KCNH5: variants seen among roughly 807,000 people sequenced by gnomAD.
KCNH5 encodes the protein voltage-gated delayed rectifier potassium channel KCNH5.
KCNH5 carries 46 observed loss-of-function variants against 96.1 expected under a neutral mutation model. The ratio of observed to expected loss-of-function variants is 0.48; its 90% CI spans 0.38 to 0.61. The LOEUF is 0.61. KCNH5 is among the 20% of genes least tolerant of loss of function. The pLI is 0.00. For missense variants in KCNH5, 907 were observed against 1,225.8 expected (o/e 0.74, Z 3.88); for synonymous variants, 439 against 449.8 (o/e 0.98, Z 0.30).
intron 8 of KCNH5, among the ~76,000 whole-genome samples, chr14:62,817,128 T>C (rs1164094782): frequency 7.3e-6 from 1 of 137,532 alleles, no homozygotes; most frequent in Non-Finnish European, 1.5e-5. Flanking sequence ...ATATTTATTA[T>C]AATATATAAT....
chr14:62,787,026 G>A (rs958625913), intron 9 of KCNH5, among the ~76,000 whole-genome samples: 2 of 152,070 alleles, frequency 1.3e-5, no homozygotes, highest in African/African-American at 4.8e-5. Context: ...TCAAGCAAAA[G>A]GAAGAGTCAC....
intron 1 of KCNH5, among the ~76,000 whole-genome samples, chr14:63,040,557 T>A (rs1340027716): frequency 6.6e-6 from 1 of 152,192 alleles, no homozygotes; most frequent in African/African-American, 2.4e-5. Flanking sequence ...ATTTCCTGAA[T>A]AGTGTCTTAG....
chr14:62,885,122 T>C (rs575203316), intron 7 of KCNH5, among the ~76,000 whole-genome samples: 71 of 152,208 alleles, frequency 4.7e-4, no homozygotes, highest in Non-Finnish European at 8.5e-4. Context: ...CTATGCTTGA[T>C]CTTAATGCTC....
intron 10 of KCNH5, among the ~76,000 whole-genome samples, chr14:62,714,208 G>C (rs1442720710): frequency 6.6e-6 from 1 of 152,074 alleles, no homozygotes; most frequent in Admixed American, 6.5e-5. Context: ...AGGATCACCT[G>C]AGCTCAGGAA....
chr14:62,825,214 C>T (rs756494037), intron 8 of KCNH5, among the ~76,000 whole-genome samples: 13 of 152,068 alleles, frequency 8.5e-5, no homozygotes, highest in African/African-American at 1.2e-4. Flanking sequence ...AACTAATTTA[C>T]GTTCCCACCA....
chr14:62,940,064 T>C (rs1889759591), intron 7 of KCNH5, among the ~76,000 whole-genome samples: 1 of 152,204 alleles, frequency 6.6e-6, no homozygotes, highest in African/African-American at 2.4e-5. Context: ...ATATAAATTC[T>C]TATAAATTAT....
intron 1 of KCNH5, among the ~76,000 whole-genome samples, chr14:63,034,794 T>C (rs1044732081): frequency 2.0e-5 from 3 of 152,208 alleles, no homozygotes; most frequent in Non-Finnish European, 4.4e-5. Context: ...CTTTAACATA[T>C]ATTTCTGAAA....
At chr14:62,842,390 A>G (rs1440511012) in intron 8 of KCNH5, among the ~76,000 whole-genome samples, 1 of 150,920 alleles carries the variant, frequency 6.6e-6, no homozygotes, top group African/African-American at 2.5e-5. Context: ...CAGTCAGAAA[A>G]GAAAAATGTC....
At position 63,016,920 on chromosome 14, in the gene KCNH5, C is replaced by T. The variant is rs868730422; in HGVS notation, c.108G>A (p.Val36=). Residue 36 remains valine, a synonymous_variant, in exon 2 of 11, where the codon GTG becomes GTA. Coordinates refer to ENST00000322893, the MANE Select transcript of KCNH5 (RefSeq NM_139318.5). The part of the protein sequence containing the change: ...SSFLLGNAQI[V]DWPVVYSNDG... ...CATTACTATAAACTACAGGCCAATC[C>T]ACAATCTGGGCATTTCCCAGTAAGA... The T allele has an allele frequency of 6.2e-7, 1 of 1,607,278 alleles. No individual in the cohort carries two copies. The highest frequency in any genetic ancestry group is 2.2e-5 in the East Asian group (1 of 44,646).
chr14:62,876,782 G>T (rs1442874884), intron 7 of KCNH5, among the ~76,000 whole-genome samples: 1 of 152,110 alleles, frequency 6.6e-6, no homozygotes, highest in Admixed American at 6.5e-5. Flanking sequence ...CACCTGTTTG[G>T]TCAATTGATT....
intron 7 of KCNH5, among the ~76,000 whole-genome samples, chr14:62,879,573 AG>A (rs375595109): frequency 5.5e-4 from 84 of 152,264 alleles, no homozygotes; most frequent in African/African-American, 1.9e-3. Context: ...CTTGTAATTT[AG>A]GCATATTTCA....
chr14:62,950,473 T>A lies in KCNH5; in HGVS notation c.1029A>T (p.Glu343Asp). 1 of 1,613,266 alleles carries A rather than the reference T, an allele frequency of 6.2e-7. No individual in the cohort carries two copies. The highest frequency in any genetic ancestry group is 8.5e-7 in the Non-Finnish European group (1 of 1,179,962). The change falls in exon 7 of 11, where the codon GAA becomes GAT. Residue 343 changes from glutamate to aspartate, a missense_variant. Physicochemically the swap from Glu to Asp is conservative, Grantham distance 45. This residue lies in a region of KCNH5 where 370 missense variants were observed against 561.3 expected (regional missense o/e 0.66). Coordinates refer to ENST00000322893, the MANE Select transcript of KCNH5 (RefSeq NM_139318.5). The stretch of plus-strand genomic sequence containing the variant: ...GGAGCACGAGGACTGCTGCTCCATA[T>A]TCTAGGTAATGGTCCAGTTTCCTAG... ...RVARKLDHYL[E>D]YGAAVLVLLV...
In KCNH5 at chr14:62,707,757, T is replaced by C. The variant is rs762339146; in HGVS notation, c.2718A>G (p.Leu906=). The C allele has an allele frequency of 6.2e-7, 1 of 1,614,160 alleles. No homozygotes were observed. The highest frequency in any genetic ancestry group is 8.5e-7 in the Non-Finnish European group (1 of 1,180,018). ...GTTTGACTTCCTGCAGTGTGGTCTGTAAGGCCTGCTCGGGGATGGGATAAA... is the reference window on the plus strand; with the variant it reads ...GTTTGACTTCCTGCAGTGTGGTCTGCAAGGCCTGCTCGGGGATGGGATAAA... ...HPFYPIPEQA[L]QTTLQEVKHE... Residue 906 remains leucine (L), a synonymous_variant, in exon 11 of 11, where the codon TTA becomes TTG. Coordinates refer to ENST00000322893, the MANE Select transcript of KCNH5 (RefSeq NM_139318.5).
intron 10 of KCNH5, among the ~76,000 whole-genome samples, chr14:62,718,747 C>T (rs185214113): frequency 4.6e-5 from 7 of 152,282 alleles, no homozygotes; most frequent in Admixed American, 3.9e-4. Flanking sequence ...CACACAAAAA[C>T]TTGTACATGA....
chr14:62,821,542 C>G (rs553467930), intron 8 of KCNH5, among the ~76,000 whole-genome samples: 52 of 152,138 alleles, frequency 3.4e-4, no homozygotes, highest in African/African-American at 1.2e-3. Flanking sequence ...ATATTATGCT[C>G]ACATTATTTA....
At position 62,909,873 on chromosome 14, in the gene KCNH5, G is replaced by A. The variant is rs774726538; in HGVS notation, c.1369+40260C>T. Among the ~76,000 whole-genome samples, 25 of 151,642 alleles carry A rather than the reference G, an allele frequency of 1.6e-4. 1 individual carries two copies. The highest frequency in any genetic ancestry group is 1.3e-3 in the Admixed American group (20 of 15,216). The stretch of plus-strand genomic sequence containing the variant: ...GCTCCTTATATGCTTTGCTCCTTCC[G>A]CTTGCCATTGTACTTATCTCTTCTA... On this transcript the variant is annotated intron_variant, in intron 7 of 10. Coordinates refer to ENST00000322893, the MANE Select transcript of KCNH5 (RefSeq NM_139318.5).
At chr14:62,768,643 G>A (rs764055705) in intron 10 of KCNH5, among the ~76,000 whole-genome samples, 29 of 152,096 alleles carry the variant, frequency 1.9e-4, no homozygotes, top group Non-Finnish European at 5.9e-5. Flanking sequence ...CATTATGTTG[G>A]TTAAATACTT....
chr14:62,710,476 C>A (rs2139901937), intron 10 of KCNH5, among the ~76,000 whole-genome samples: 1 of 152,312 alleles, frequency 6.6e-6, no homozygotes, highest in Admixed American at 6.5e-5. Context: ...TATGAACATT[C>A]TTTAGAACCA....
At chr14:62,755,797 T>C (rs1885609471) in intron 10 of KCNH5, among the ~76,000 whole-genome samples, 1 of 152,136 alleles carries the variant, frequency 6.6e-6, no homozygotes. Context: ...CTGAGGATGG[T>C]TCAACATTTG....
Sources: gnomAD v4.1 joint callset for allele counts (sites outside exome capture counted in the v4.1 genomes callset) on GRCh38, gnomAD v4.1.1 for gene constraint, gnomAD v4.1.1 regional missense constraint, MANE v1.5 for transcripts, NCBI Gene and HGNC (gene_info 2026-07-23, HGNC 2026-07-21) for gene names.